PCBP3: variants seen among roughly 807,000 people sequenced by gnomAD.
PCBP3 encodes the protein poly(rC) binding protein 3.
Under a neutral mutation model 52.7 loss-of-function variants are expected in PCBP3, and 25 were observed. The observed-to-expected ratio is 0.47, with a 90% CI of 0.35 to 0.66. PCBP3 has a LOEUF of 0.66. PCBP3 is among the 30% of genes least tolerant of loss of function. PCBP3 has a pLI of 0.01. For missense variants in PCBP3, 391 were observed against 490.3 expected (o/e 0.80, Z 1.91); for synonymous variants, 162 against 183.0 (o/e 0.89, Z 0.93).
chr21:45,930,565 C>T (rs2149494687), intron 14 of PCBP3, among the ~76,000 whole-genome samples: 1 of 152,308 alleles, frequency 6.6e-6, no homozygotes, highest in Middle Eastern at 3.4e-3. Context: ...GGGTGTCCCT[C>T]CCTGCAGAGG....
At chr21:45,937,504 C>T (rs1021385453) in intron 16 of PCBP3, among the ~76,000 whole-genome samples, 4 of 152,168 alleles carry the variant, frequency 2.6e-5, no homozygotes, top group Admixed American at 6.5e-5. Context: ...CTAAGGTGTC[C>T]GACAGTGGTC....
At chr21:45,765,435 C>T (rs976237155) in intron 4 of PCBP3, among the ~76,000 whole-genome samples, 4 of 152,204 alleles carry the variant, frequency 2.6e-5, no homozygotes, top group Non-Finnish European at 5.9e-5. Flanking sequence ...AGGAGGACAG[C>T]TCAAATAGAG....
intron 2 of PCBP3, among the ~76,000 whole-genome samples, chr21:45,729,537 T>C (rs1379076650): frequency 6.6e-6 from 1 of 152,192 alleles, no homozygotes; most frequent in Non-Finnish European, 1.5e-5. Flanking sequence ...TGCCTGTTTC[T>C]CCAGGTCCTC....
chr21:45,678,238 G>A (rs936778144), intron 2 of PCBP3, among the ~76,000 whole-genome samples: 2 of 151,714 alleles, frequency 1.3e-5, no homozygotes, highest in Non-Finnish European at 2.9e-5. Flanking sequence ...CCTGGGAGGC[G>A]GAGCTTGCAG....
At position 45,914,040 on chromosome 21, in the gene PCBP3, G is replaced by A. The variant is rs914125525; in HGVS notation, c.675+15G>A. On this transcript the variant is annotated intron_variant, in intron 12 of 17. Transcript: ENST00000681687. ...CAGGTGGTCAGGTAAGAGCCGATCC[G>A]CTCGCGGCCTCCACTGCCAACCTCA... The A allele has an allele frequency of 2.0e-5, 32 of 1,613,184 alleles. No individual in the cohort carries two copies. Among genetic ancestry groups the A allele is most frequent in the African/African-American group, 2.7e-5 (2 of 74,916 alleles).
chr21:45,883,075 C>T lies in PCBP3; in HGVS notation c.11-13133C>T, dbSNP rs77634774. 4.1e-3 allele frequency among the ~76,000 whole-genome samples: 630 copies of T among 152,278 alleles called. 2 individuals carry two copies. The highest frequency in any genetic ancestry group is 0.024 in the Middle Eastern group (7 of 294). ...TCAGCACTGCTGTAGTTGTGTCCTGCGATTTTTGATATGCTGTGTTTTTAT... is the reference window on the plus strand; with the variant it reads ...TCAGCACTGCTGTAGTTGTGTCCTGTGATTTTTGATATGCTGTGTTTTTAT... On this transcript the variant is annotated intron_variant, in intron 5 of 17. Transcript: ENST00000681687.
Position 45,917,490 on chromosome 21 carries a change from T to C in PCBP3, c.676-98T>C. ...GTGGAGAGGCACACGAGGGGGAAGC[T>C]TCTACCGGAGGGTCCTTGTCATGCT... is the stretch of plus-strand genomic sequence containing the variant. On this transcript the variant is annotated intron_variant, in intron 12 of 17. Transcript: ENST00000681687. This position sits in a 1 kb window ranked among gnomAD's most constrained non-coding sequence, Gnocchi z 5.3. The C allele has an allele frequency of 1.1e-6, 1 of 912,900 alleles. No individual in the cohort carries two copies. 56.5% of individuals were successfully genotyped at this position (912,900 alleles called of 1,614,324 possible).
At chr21:45,659,671 G>A (rs2080258846) in intron 1 of PCBP3, among the ~76,000 whole-genome samples, 1 of 152,066 alleles carries the variant, frequency 6.6e-6, no homozygotes, top group Admixed American at 6.6e-5. Context: ...TGATCTCAAA[G>A]TATTTTCTAA....
At chr21:45,765,166 A>G (rs9979633) in intron 4 of PCBP3, among the ~76,000 whole-genome samples, 104,743 of 152,040 alleles carry the variant, frequency 0.69, 37,465 homozygotes, top group African/African-American at 0.88. Context: ...GAAGGTGGGG[A>G]TAGACAGAGA....
chr21:45,898,417 C>G (rs953327861), intron 6 of PCBP3, among the ~76,000 whole-genome samples: 20 of 149,820 alleles, frequency 1.3e-4, no homozygotes, highest in Non-Finnish European at 1.9e-4. Context: ...CTCACAGCCT[C>G]CCTCTGCACA....
At chr21:45,848,033 G>A (rs2093853223) in intron 4 of PCBP3, 1 of 152,212 alleles carries the variant, frequency 6.6e-6, no homozygotes, top group Non-Finnish European at 1.5e-5. Flanking sequence ...GATGTTCTCA[G>A]TCCTCCTGCA....
chr21:45,815,791 GGTGAGTGATGA>G (rs2092916160), intron 4 of PCBP3, among the ~76,000 whole-genome samples: 1 of 100,620 alleles, frequency 9.9e-6, no homozygotes, highest in Non-Finnish European at 2.1e-5. Context: ...AGTGGTGAGT[GGTGAGTGATGA>G]GTGAGTGGTG....
intron 6 of PCBP3, among the ~76,000 whole-genome samples, chr21:45,897,827 A>G (rs1164764413): frequency 6.6e-6 from 1 of 152,048 alleles, no homozygotes; most frequent in Non-Finnish European, 1.5e-5. Flanking sequence ...CCTGCAGAAC[A>G]CTTCCTTCCA....
chr21:45,719,952 C>T (rs973720976), intron 2 of PCBP3, among the ~76,000 whole-genome samples: 1 of 152,050 alleles, frequency 6.6e-6, no homozygotes, highest in Non-Finnish European at 1.5e-5. Context: ...AGAGAAGGCA[C>T]CTCCAGATGA....
At chr21:45,649,461 G>A (rs1214792883) in intron 1 of PCBP3, among the ~76,000 whole-genome samples, 1 of 152,142 alleles carries the variant, frequency 6.6e-6, no homozygotes, top group Non-Finnish European at 1.5e-5. Flanking sequence ...TGGGGTATGA[G>A]ATAGAGATCC....
At chr21:45,818,840 A>G (rs1205831983) in intron 4 of PCBP3, among the ~76,000 whole-genome samples, 1 of 152,240 alleles carries the variant, frequency 6.6e-6, no homozygotes, top group Non-Finnish European at 1.5e-5. Flanking sequence ...CAAAGAAATG[A>G]GCTGTCAAAC....
intron 5 of PCBP3, among the ~76,000 whole-genome samples, chr21:45,870,328 T>C (rs1371751847): frequency 6.6e-6 from 1 of 152,238 alleles, no homozygotes; most frequent in African/African-American, 2.4e-5. Context: ...AAGAAATGAT[T>C]TGCTAATCTA....
Position 45,925,205 on chromosome 21 carries a change from G to A in PCBP3, c.718-4712G>A, listed in dbSNP as rs140380613. Among the ~76,000 whole-genome samples the A allele has an allele frequency of 3.8e-3, 566 of 150,500 alleles. 8 individuals are homozygous for A. The highest frequency in any genetic ancestry group is 0.013 in the African/African-American group (537 of 40,464). On this transcript the variant is annotated intron_variant, in intron 13 of 17. Transcript: ENST00000681687. The stretch of plus-strand genomic sequence containing the variant: ...ACAGCACACGTAAGGTCGGGTGTGC[G>A]TGAGGAGATGCGAACACCCGCAGGT...
At chr21:45,781,701 T>A (rs2090646057) in intron 4 of PCBP3, among the ~76,000 whole-genome samples, 1 of 152,246 alleles carries the variant, frequency 6.6e-6, no homozygotes, top group African/African-American at 2.4e-5. Flanking sequence ...TTTGTTCATA[T>A]TGCAAATGTC....
Sources: allele counts gnomAD v4.1 joint callset (sites outside exome capture counted in the v4.1 genomes callset), GRCh38; gene constraint gnomAD v4.1.1; non-coding constraint Gnocchi (gnomAD v3.1); transcripts MANE v1.5; gene names NCBI Gene and HGNC (gene_info 2026-07-23, HGNC 2026-07-21).